The following UBE4B variants were observed in gnomAD, a reference collection of about 807,000 sequenced individuals.
The protein encoded by UBE4B is ubiquitin conjugation factor E4 B.
A neutral mutation model predicts 148.1 loss-of-function variants in UBE4B; 27 were observed. The observed-to-expected ratio is 0.18, with a 90% CI of 0.13 to 0.25. The LOEUF is 0.25. Ranked by LOEUF, UBE4B falls within the 10% of genes least tolerant of loss-of-function variation. UBE4B has a pLI of 1.00. For missense variants in UBE4B, 1,170 were observed against 1,662.4 expected (o/e 0.70, Z 5.15); for synonymous variants, 596 against 619.3 (o/e 0.96, Z 0.56).
In UBE4B at chr1:10,106,527, A is replaced by G. The variant is rs766340305; in HGVS notation, c.1140A>G (p.Pro380=). The change falls in exon 7 of 28, where the codon CCA becomes CCG. Residue 380 remains proline (P), a synonymous_variant. Transcript: ENST00000343090. The surrounding 1 kb of genome is among the most constrained non-coding windows in gnomAD (Gnocchi z 4.2). ...QRPSSTGPPL[P]PASPSATSRR... The stretch of plus-strand genomic sequence containing the variant: ...CCAGCAGCACGGGTCCACCCCTACC[A>G]CCCGCCTCACCCAGTGCCACGAGCA... 1 of 1,600,256 alleles carries G rather than the reference A, an allele frequency of 6.2e-7. No individual in the cohort carries two copies. Among genetic ancestry groups the G allele is most frequent in the South Asian group, 1.1e-5 (1 of 89,928 alleles).
At position 10,168,245 on chromosome 1, in the gene UBE4B, A is replaced by G. The variant is rs774789457; in HGVS notation, c.3308A>G (p.Gln1103Arg). ...TVDMFHILTK[Q>R]VQKPFLRPEL... is the part of the protein sequence containing the mutation. Reference sequence around the variant, plus strand: ...GACATGTTCCACATCCTCACGAAGCAGGTCCAGAAGCCCTTCCTCAGACCG... The same window carrying G: ...GACATGTTCCACATCCTCACGAAGCGGGTCCAGAAGCCCTTCCTCAGACCG... The change falls in exon 24 of 28, where the codon CAG (glutamine) becomes CGG (arginine). Residue 1103 changes from glutamine to arginine, a missense_variant. By Grantham distance (43) the Gln-to-Arg change is conservative. Around this residue, in one of 6 missense-constraint regions of UBE4B, gnomAD observed 348 missense variants for 627.2 expected, o/e 0.55. Transcript: ENST00000343090. The surrounding 1 kb of genome is among the most constrained non-coding windows in gnomAD (Gnocchi z 4.9). 6.2e-7 allele frequency: 1 copy of G among 1,614,030 alleles called. No homozygotes were observed. The highest frequency in any genetic ancestry group is 1.3e-5 in the African/African-American group (1 of 74,930).
At chr1:10,130,100 G>A (rs892955928) in intron 12 of UBE4B, among the ~76,000 whole-genome samples, 2 of 151,568 alleles carry the variant, frequency 1.3e-5, no homozygotes, top group South Asian at 2.1e-4. Flanking sequence ...TTGAGACAGA[G>A]TCTCACTCTG....
chr1:10,072,676 T>G (rs1644509443), intron 2 of UBE4B: 1 of 542,458 alleles, frequency 1.8e-6, no homozygotes, highest in African/African-American at 1.9e-5. Flanking sequence ...GATAGGATGT[T>G]TAGAACTATC....
At chr1:10,174,331 T>C (rs112155920) in intron 25 of UBE4B, among the ~76,000 whole-genome samples, 4,906 of 149,972 alleles carry the variant, frequency 0.033, 254 homozygotes, top group African/African-American at 0.11. Context: ...AGGCAGAGGT[T>C]GCAGTGAGCT....
At chr1:10,034,406 C>G (rs1393809609) in intron 1 of UBE4B, among the ~76,000 whole-genome samples, 1 of 151,864 alleles carries the variant, frequency 6.6e-6, no homozygotes, top group African/African-American at 2.4e-5. Context: ...CTCTCCTGTT[C>G]TCATTTCTTA....
At chr1:10,143,791 A>G (rs1645822108) in intron 17 of UBE4B, among the ~76,000 whole-genome samples, 1 of 152,236 alleles carries the variant, frequency 6.6e-6, no homozygotes, top group South Asian at 2.1e-4. Context: ...GAAGATTCCC[A>G]GAGCTATACT....
At chr1:10,176,391 C>T (rs1646429396) in intron 25 of UBE4B, among the ~76,000 whole-genome samples, 1 of 152,128 alleles carries the variant, frequency 6.6e-6, no homozygotes, top group Non-Finnish European at 1.5e-5. Flanking sequence ...GTGGTAATTC[C>T]ATGTTTAACT....
At position 10,180,641 on chromosome 1, in the gene UBE4B, C is replaced by CT. The variant is rs1352570001; in HGVS notation, c.*688dup. 2.6e-5 allele frequency: 4 copies of CT among 152,052 alleles called. No individual in the cohort carries two copies. The highest frequency in any genetic ancestry group is 5.9e-5 in the Non-Finnish European group (4 of 67,964). 9.4% of individuals were successfully genotyped at this position (152,052 alleles called of 1,614,324 possible). ...GTTTTTTTTTTCTTTTGAAATGTCC[C>CT]TTTAAGATTTTTTTATTCTAAACAA... On this transcript the variant is annotated 3_prime_UTR_variant, in exon 28 of 28. Coordinates refer to ENST00000343090, the MANE Select transcript of UBE4B (RefSeq NM_001105562.3).
At chr1:10,051,795 T>G (rs1232910261) in intron 1 of UBE4B, among the ~76,000 whole-genome samples, 1 of 152,204 alleles carries the variant, frequency 6.6e-6, no homozygotes, top group Non-Finnish European at 1.5e-5. Flanking sequence ...ATCAGATGAC[T>G]TATTTTTGTC....
At chr1:10,059,005 T>C (rs1018572768) in intron 1 of UBE4B, 3 of 152,172 alleles carry the variant, frequency 2.0e-5, no homozygotes, top group Admixed American at 6.6e-5. Context: ...CCCAGCACTT[T>C]GGGAGGCCGG....
chr1:10,096,488 T>A (rs1037231607), intron 3 of UBE4B, among the ~76,000 whole-genome samples: 3 of 152,148 alleles, frequency 2.0e-5, no homozygotes, highest in Non-Finnish European at 4.4e-5. Flanking sequence ...TCCTAGCACT[T>A]TGGGAGGCCG....
At chr1:10,162,607 CTTTTTT>C (rs61393825) in intron 23 of UBE4B, among the ~76,000 whole-genome samples, 2 of 135,160 alleles carry the variant, frequency 1.5e-5, no homozygotes, top group Non-Finnish European at 1.6e-5. Context: ...CGCGCCCAGA[CTTTTTT>C]TTTTTTTTTT....
At chr1:10,151,147 A>G (rs1229576237) in intron 20 of UBE4B, among the ~76,000 whole-genome samples, 179 bp from the exon 21 acceptor site, 1 of 150,554 alleles carries the variant, frequency 6.6e-6, no homozygotes, top group Non-Finnish European at 1.5e-5. Flanking sequence ...TGGGCGACAG[A>G]GCGAGACTCT....
rs1388522394 is a variant in UBE4B at position 10,129,372 on chromosome 1, G to T, written c.1639-20G>T. On this transcript the variant is annotated intron_variant, in intron 11 of 27. Coordinates refer to ENST00000343090, the MANE Select transcript of UBE4B (RefSeq NM_001105562.3). ...AGTTTAAGATGAAATGCATTTAAAT[G>T]ACTCTGATCTTATTTCTAGGCACTA... 1 of 1,601,716 alleles carries T rather than the reference G, an allele frequency of 6.2e-7. No homozygotes were observed. Among genetic ancestry groups the T allele is most frequent in the South Asian group, 1.1e-5 (1 of 90,516 alleles).
chr1:10,153,517 AAG>A (rs1646014163), intron 21 of UBE4B, among the ~76,000 whole-genome samples: 1 of 150,040 alleles, frequency 6.7e-6, no homozygotes, highest in East Asian at 1.9e-4. Flanking sequence ...AAAAAAAAAA[AAG>A]GGTAAAAAGA....
intron 17 of UBE4B, among the ~76,000 whole-genome samples, chr1:10,142,232 A>AT (rs1645794196): frequency 6.6e-6 from 1 of 151,862 alleles, no homozygotes; most frequent in African/African-American, 2.4e-5. Flanking sequence ...CCAGAGCCCC[A>AT]TTTTTTTCAT....
chr1:10,136,482 TAAA>T (rs35569014), intron 16 of UBE4B, among the ~76,000 whole-genome samples: 2 of 123,852 alleles, frequency 1.6e-5, no homozygotes, highest in Admixed American at 8.3e-5. Flanking sequence ...AAGACCCTCT[TAAA>T]AAAAAAAAAA....
intron 1 of UBE4B, among the ~76,000 whole-genome samples, chr1:10,053,215 C>A (rs1013373886): frequency 4.0e-5 from 6 of 151,878 alleles, no homozygotes; most frequent in African/African-American, 1.5e-4. Context: ...GTGGCGCGAT[C>A]TCGGCTCGCT....
rs188098685 is a variant in UBE4B at position 10,127,213 on chromosome 1, A to C, written c.1638+336A>C. Among the ~76,000 whole-genome samples, 508 of 152,260 alleles carry C rather than the reference A, an allele frequency of 3.3e-3. 2 individuals are homozygous for C. Among genetic ancestry groups the C allele is most frequent in the Non-Finnish European group, 6.1e-3 (416 of 68,014 alleles). ...GAAATTTTGTTACTTAAAAAAAAAA[A>C]ACCTATTAAAAATGCAAATAAAAAA... On this transcript the variant is annotated intron_variant, in intron 11 of 27. Transcript: ENST00000343090.
Sources: allele counts gnomAD v4.1 joint callset (sites outside exome capture counted in the v4.1 genomes callset), GRCh38; gene constraint gnomAD v4.1.1; regional missense constraint gnomAD v4.1.1; non-coding constraint Gnocchi (gnomAD v3.1); transcripts MANE v1.5; gene names NCBI Gene and HGNC (gene_info 2026-07-23, HGNC 2026-07-21).